ABHD13: variants seen among roughly 807,000 people sequenced by gnomAD.
ABHD13 encodes protein ABHD13.
In ABHD13, 7 loss-of-function variants were observed where a neutral mutation model predicts 25.2. That is an observed-to-expected ratio of 0.28 (90% CI 0.16 to 0.52). The LOEUF is 0.52. Ranked by LOEUF, ABHD13 falls within the 20% of genes least tolerant of loss-of-function variation. The pLI is 0.96. For synonymous variants in ABHD13, 133 were observed against 136.1 expected (o/e 0.98, Z 0.16); for missense variants, 302 against 402.7 (o/e 0.75, Z 2.14).
In ABHD13 at chr13:108,218,536, C is replaced by T. The variant is rs1879442053; in HGVS notation, c.-144C>T. The T allele has an allele frequency of 6.6e-6, 1 of 152,088 alleles. No homozygotes were observed. Among genetic ancestry groups the T allele is most frequent in the Non-Finnish European group, 1.5e-5 (1 of 67,958 alleles). 9.4% of individuals were successfully genotyped at this position (152,088 alleles called of 1,614,324 possible). A position where few individuals can be genotyped will look rare whatever the true frequency, so the allele number is the denominator to read the frequency against. On this transcript the variant is annotated 5_prime_UTR_variant, in exon 1 of 2. Transcript: ENST00000375898. Reference sequence around the variant, plus strand: ...AGGAGCTCCGGGCTAGACCGTGGCGCCGGCAGCGGCCCCTGGGCTGGAGGA... The same window carrying T: ...AGGAGCTCCGGGCTAGACCGTGGCGTCGGCAGCGGCCCCTGGGCTGGAGGA...
chr13:108,225,231 GA>G (rs1008122215), intron 1 of ABHD13, among the ~76,000 whole-genome samples: 1 of 152,120 alleles, frequency 6.6e-6, no homozygotes, highest in Non-Finnish European at 1.5e-5. Context: ...TTTAGTTTTG[GA>G]TAAGTTTGAA....
chr13:108,230,228 TATA>T lies in ABHD13; in HGVS notation c.1013_*1del, dbSNP rs1393087522. 1.3e-6 allele frequency: 2 copies of T among 1,578,872 alleles called. No individual in the cohort carries two copies. The highest frequency in any genetic ancestry group is 1.7e-6 in the Non-Finnish European group (2 of 1,163,820). On this transcript the variant is annotated stop_lost and inframe_deletion, in exon 2 of 2. Coordinates refer to ENST00000375898, the MANE Select transcript of ABHD13 (RefSeq NM_032859.3). ...AAAACTTCATCTAATGTAACAATTA[TATA>T]ATGTTTCCCTTTTTGATTATTGCAT...
chr13:108,221,999 G>T (rs948850622), intron 1 of ABHD13, among the ~76,000 whole-genome samples: 2 of 151,918 alleles, frequency 1.3e-5, no homozygotes, highest in African/African-American at 4.8e-5. Flanking sequence ...CACCATGCCC[G>T]GCTAATTTTT....
Position 108,231,799 on chromosome 13 carries a change from G to A in ABHD13, c.*1567G>A, listed in dbSNP as rs1849623304. 1.8e-5 allele frequency: 3 copies of A among 166,810 alleles called. No individual in the cohort carries two copies. The Admixed American group carries it at 2.0e-4, about 11-fold the overall frequency. 10.3% of individuals were successfully genotyped at this position (166,810 alleles called of 1,614,324 possible). Reference sequence around the variant, plus strand: ...GGGCTAGAAATACTTTTGCCAAATAGCATTCTTATTCACTTTATGCCGGTA... The same window carrying A: ...GGGCTAGAAATACTTTTGCCAAATAACATTCTTATTCACTTTATGCCGGTA... On this transcript the variant is annotated 3_prime_UTR_variant, in exon 2 of 2. Transcript: ENST00000375898.
rs1566383638 is a variant in ABHD13 at position 108,233,127 on chromosome 13, C to T, written c.*2895C>T. 1 of 166,752 alleles carries T rather than the reference C, an allele frequency of 6.0e-6. No individual in the cohort carries two copies. Among genetic ancestry groups the T allele is most frequent in the Non-Finnish European group, 1.5e-5 (1 of 67,972 alleles). The allele number at this position is 166,752 out of a possible 1,614,324, so 10.3% of individuals were successfully genotyped here. A position where few individuals can be genotyped will look rare whatever the true frequency, so the allele number is the denominator to read the frequency against. Reference sequence around the variant, plus strand: ...TGTTCTGAATTTTGCTACAGGGCTGCTTAAATTTATGATTACCTGTAGACA... The same window carrying T: ...TGTTCTGAATTTTGCTACAGGGCTGTTTAAATTTATGATTACCTGTAGACA... On this transcript the variant is annotated 3_prime_UTR_variant, in exon 2 of 2. Transcript: ENST00000375898.
chr13:108,228,681 A>G (rs1222264338), intron 1 of ABHD13, among the ~76,000 whole-genome samples: 1 of 151,732 alleles, frequency 6.6e-6, no homozygotes, highest in Non-Finnish European at 1.5e-5. Context: ...TTGACAAAGT[A>G]TATTAGATTG....
intron 1 of ABHD13, among the ~76,000 whole-genome samples, chr13:108,220,140 G>A (rs922040397): frequency 1.3e-5 from 2 of 152,174 alleles, no homozygotes; most frequent in African/African-American, 4.8e-5. Context: ...AAGTGAGTTG[G>A]CAAAAGCTAC....
chr13:108,228,603 G>A (rs1228801498), intron 1 of ABHD13, among the ~76,000 whole-genome samples: 1 of 149,388 alleles, frequency 6.7e-6, no homozygotes, highest in African/African-American at 2.5e-5. Flanking sequence ...GTTTTTTTTT[G>A]TTTTATTTTG....
rs773892602 is a variant in ABHD13 at position 108,229,199 on chromosome 13, G to A, written c.-20G>A. Reference sequence around the variant, plus strand: ...TGATATTCTCCCTCTCTCTCTCTAGGATACTTACAGAGAGCTACAATGGAA... The same window carrying A: ...TGATATTCTCCCTCTCTCTCTCTAGAATACTTACAGAGAGCTACAATGGAA... On this transcript the variant is annotated splice_region_variant and 5_prime_UTR_variant, in exon 2 of 2. Transcript: ENST00000375898. This position sits in a 1 kb window ranked among gnomAD's most constrained non-coding sequence, Gnocchi z 4.7. 1 of 1,522,394 alleles carries A rather than the reference G, an allele frequency of 6.6e-7. No homozygotes were observed. Among genetic ancestry groups the A allele is most frequent in the East Asian group, 2.3e-5 (1 of 44,254 alleles). The allele number at this position is 1,522,394 out of a possible 1,614,324, so 94.3% of individuals were successfully genotyped here.
Position 108,232,337 on chromosome 13 carries a change from C to G in ABHD13, c.*2105C>G, listed in dbSNP as rs976572390. 21 of 166,876 alleles carry G rather than the reference C, an allele frequency of 1.3e-4. No homozygotes were observed. Among genetic ancestry groups the G allele is most frequent in the African/African-American group, 5.1e-4 (21 of 41,432 alleles). 10.3% of individuals were successfully genotyped at this position (166,876 alleles called of 1,614,324 possible). On this transcript the variant is annotated 3_prime_UTR_variant, in exon 2 of 2. Coordinates refer to ENST00000375898, the MANE Select transcript of ABHD13 (RefSeq NM_032859.3). The stretch of plus-strand genomic sequence containing the variant: ...TTGTTTGGCGTTCCCTACCTTCATT[C>G]TCTTAGGGTTAAGGAGCCTTTCTTT...
At chr13:108,226,156 T>C (rs939856498) in intron 1 of ABHD13, among the ~76,000 whole-genome samples, 2 of 152,158 alleles carry the variant, frequency 1.3e-5, no homozygotes, top group African/African-American at 4.8e-5. Flanking sequence ...TCAGCCTTTC[T>C]GCTTTTTTGA....
At chr13:108,224,092 T>C (rs1879622950) in intron 1 of ABHD13, among the ~76,000 whole-genome samples, 1 of 152,252 alleles carries the variant, frequency 6.6e-6, no homozygotes, top group Non-Finnish European at 1.5e-5. Context: ...ACTAAAATTA[T>C]GTTGTGAAGG....
Position 108,230,091 on chromosome 13 carries a change from C to T in ABHD13, c.873C>T (p.Ala291=). 7 of 1,613,146 alleles carry T rather than the reference C, an allele frequency of 4.3e-6. No individual in the cohort carries two copies. The highest frequency in any genetic ancestry group is 1.6e-4 in the Middle Eastern group (1 of 6,062). ...CCCCATCTCGGACTAAGAGATTAGCCATTTTTCCAGATGGGACTCACAATG... is the reference window on the plus strand; with the variant it reads ...CCCCATCTCGGACTAAGAGATTAGCTATTTTTCCAGATGGGACTCACAATG... ...ELSPSRTKRL[A]IFPDGTHNDT... is the part of the protein sequence containing the mutation. Residue 291 remains alanine, a synonymous_variant, in exon 2 of 2, where the codon GCC becomes GCT. Transcript: ENST00000375898.
Position 108,230,288 on chromosome 13 carries a change from T to G in ABHD13, c.*56T>G. On this transcript the variant is annotated 3_prime_UTR_variant, in exon 2 of 2. Transcript: ENST00000375898. The stretch of plus-strand genomic sequence containing the variant: ...TTAATTTGTGCAGAATGATAAAGAA[T>G]GTTCCTTTTAGAAGTGTGTTATGTC... The G allele has an allele frequency of 7.1e-7, 1 of 1,412,404 alleles. No individual in the cohort carries two copies. The allele number at this position is 1,412,404 out of a possible 1,614,324, so 87.5% of individuals were successfully genotyped here. A position where few individuals can be genotyped will look rare whatever the true frequency, so the allele number is the denominator to read the frequency against.
In ABHD13 at chr13:108,230,019, A is replaced by C. The variant is rs527636948; in HGVS notation, c.801A>C (p.Ser267=). Residue 267 remains serine, a synonymous_variant, in exon 2 of 2, where the codon TCA becomes TCC. Coordinates refer to ENST00000375898, the MANE Select transcript of ABHD13 (RefSeq NM_032859.3). ...RMPSLFISGL[S]DQLIPPVMMK... Reference sequence around the variant, plus strand: ...CTTCACTTTTCATCTCTGGACTCTCAGATCAATTAATTCCACCAGTAATGA... The same window carrying C: ...CTTCACTTTTCATCTCTGGACTCTCCGATCAATTAATTCCACCAGTAATGA... The C allele has an allele frequency of 1.9e-6, 3 of 1,613,108 alleles. No homozygotes were observed. The highest frequency in any genetic ancestry group is 2.5e-6 in the Non-Finnish European group (3 of 1,179,402).
chr13:108,222,852 C>T (rs1879597181), intron 1 of ABHD13, among the ~76,000 whole-genome samples: 1 of 152,178 alleles, frequency 6.6e-6, no homozygotes, highest in South Asian at 2.1e-4. Flanking sequence ...TCTTTAATGT[C>T]TGCCTCATAG....
intron 1 of ABHD13, among the ~76,000 whole-genome samples, chr13:108,219,769 T>A (rs1187054066): frequency 6.6e-6 from 1 of 152,140 alleles, no homozygotes; most frequent in Non-Finnish European, 1.5e-5. Context: ...CCACGTAAGT[T>A]TGCACAAACT....
chr13:108,225,656 G>A (rs1397438678), intron 1 of ABHD13, among the ~76,000 whole-genome samples: 1 of 152,176 alleles, frequency 6.6e-6, no homozygotes, highest in African/African-American at 2.4e-5. Flanking sequence ...CCACAGATTG[G>A]TGGGTTTTAG....
chr13:108,227,325 T>G (rs1879695578), intron 1 of ABHD13, among the ~76,000 whole-genome samples: 1 of 152,150 alleles, frequency 6.6e-6, no homozygotes, highest in Admixed American at 6.6e-5. Flanking sequence ...TAAAAATGTT[T>G]TAGTCGTAAG....
Sources: gnomAD v4.1 joint callset for allele counts (sites outside exome capture counted in the v4.1 genomes callset) on GRCh38, gnomAD v4.1.1 for gene constraint, Gnocchi (gnomAD v3.1) non-coding constraint, MANE v1.5 for transcripts, NCBI Gene and HGNC (gene_info 2026-07-23, HGNC 2026-07-21) for gene names.